The following BLTP1 variants were observed in gnomAD, a reference collection of about 807,000 sequenced individuals.
BLTP1 encodes the protein fragile site-associated protein.
At chr4:122,354,871 T>C in the BLTP1 span, among the ~76,000 whole-genome samples, 1 of 151,982 alleles carries the variant, frequency 6.6e-6, no homozygotes, top group Non-Finnish European at 1.5e-5. Flanking sequence ...TTCACCATGT[T>C]GTTCAGGCTG....
chr4:122,251,873 G>A, the BLTP1 span, among the ~76,000 whole-genome samples: 5 of 152,100 alleles, frequency 3.3e-5, no homozygotes, highest in East Asian at 1.9e-4. Flanking sequence ...GGTCAGTTCC[G>A]TAATTTAATG....
chr4:122,274,623 G>A, the BLTP1 span: 21 of 980,240 alleles, frequency 2.1e-5, no homozygotes, highest in Non-Finnish European at 2.3e-5. Flanking sequence ...TTCTAAAATT[G>A]GTGGTATATA....
the BLTP1 span, among the ~76,000 whole-genome samples, chr4:122,294,238 C>G: frequency 6.6e-6 from 1 of 152,166 alleles, no homozygotes; most frequent in African/African-American, 2.4e-5. Context: ...GGACAGCACA[C>G]CTGCTCTGCC....
chr4:122,197,834 TATGG>T, the BLTP1 span: 1 of 316,990 alleles, frequency 3.2e-6, no homozygotes, highest in South Asian at 1.2e-4. Context: ...GCACTTGAAA[TATGG>T]GCACTGACAC....
the BLTP1 span, chr4:122,339,275 G>A: frequency 6.2e-7 from 1 of 1,613,660 alleles, no homozygotes; most frequent in Admixed American, 1.7e-5. Context: ...TGCCATCCCT[G>A]GATTTGGTGT....
At chr4:122,235,288 T>C in the BLTP1 span, 8 of 934,078 alleles carry the variant, frequency 8.6e-6, no homozygotes, top group Non-Finnish European at 8.9e-6. Context: ...TTTCTAAATA[T>C]TTCCTTACAT....
At chr4:122,219,277 A>T in the BLTP1 span, 1 of 1,567,920 alleles carries the variant, frequency 6.4e-7, no homozygotes, top group South Asian at 1.2e-5. Context: ...ATTTAGGCTC[A>T]TAGGTGAAAA....
the BLTP1 span, among the ~76,000 whole-genome samples, chr4:122,238,650 G>A: frequency 6.6e-6 from 1 of 152,270 alleles, no homozygotes; most frequent in African/African-American, 2.4e-5. Context: ...CTAGTCTAAT[G>A]GATACTTTTT....
the BLTP1 span, among the ~76,000 whole-genome samples, chr4:122,283,318 T>G: frequency 2.0e-5 from 3 of 152,152 alleles, no homozygotes; most frequent in African/African-American, 4.8e-5. Flanking sequence ...ACTTATTGAT[T>G]ATTCTTTTTT....
the BLTP1 span, chr4:122,207,774 C>A: frequency 2.0e-6 from 2 of 1,019,196 alleles, no homozygotes; most frequent in African/African-American, 1.7e-5. Flanking sequence ...TGTCTACTAC[C>A]TTTAGTGTCA....
chr4:122,220,713 T>G, the BLTP1 span, among the ~76,000 whole-genome samples: 3 of 152,156 alleles, frequency 2.0e-5, no homozygotes, highest in Non-Finnish European at 4.4e-5. Flanking sequence ...CCTTTTGCTA[T>G]TATAATAGAA....
At chr4:122,309,599 C>G in the BLTP1 span, 1,006 of 875,358 alleles carry the variant, frequency 1.1e-3, 4 homozygotes, top group African/African-American at 0.014. Context: ...TTTCTAGTTA[C>G]AGGTAACAAA....
At chr4:122,333,686 G>A in the BLTP1 span, 2 of 1,611,728 alleles carry the variant, frequency 1.2e-6, no homozygotes, top group South Asian at 2.2e-5. Context: ...AAAAGAAGAA[G>A]TTTCAAACTA....
At chr4:122,247,147 T>G in the BLTP1 span, 1 of 1,600,378 alleles carries the variant, frequency 6.2e-7, no homozygotes, top group Non-Finnish European at 8.6e-7. Context: ...ACTCTCTTTT[T>G]TTTCATAAAG....
the BLTP1 span, chr4:122,170,398 A>T: frequency 1.0e-5 from 10 of 981,286 alleles, no homozygotes; most frequent in Admixed American, 2.5e-4. Context: ...TTACATTTAG[A>T]ATGGTGAAAT....
chr4:122,254,679 T>C, the BLTP1 span: 1 of 1,224,986 alleles, frequency 8.2e-7, no homozygotes, highest in Non-Finnish European at 1.0e-6. Context: ...AATTTATCAG[T>C]GCTCAAAAAG....
At chr4:122,294,061 C>T in the BLTP1 span, among the ~76,000 whole-genome samples, 10 of 152,150 alleles carry the variant, frequency 6.6e-5, no homozygotes, top group South Asian at 1.0e-3. Flanking sequence ...GGCCTCCCTG[C>T]AGGAATTTCA....
chr4:122,248,712 A>C, the BLTP1 span, among the ~76,000 whole-genome samples: 1 of 152,056 alleles, frequency 6.6e-6, no homozygotes, highest in Non-Finnish European at 1.5e-5. Flanking sequence ...ATAGCATAGA[A>C]TATTATATAG....
chr4:122,343,602 G>C, the BLTP1 span: 20 of 1,613,764 alleles, frequency 1.2e-5, no homozygotes, highest in Non-Finnish European at 1.6e-5. Context: ...CCTGGATCAG[G>C]AGGATTAGGT....
Sources: gnomAD v4.1 joint callset for allele counts (sites outside exome capture counted in the v4.1 genomes callset) on GRCh38, gnomAD v4.1.1 for gene constraint, MANE v1.5 for transcripts, NCBI Gene and HGNC (gene_info 2026-07-23, HGNC 2026-07-21) for gene names.